The following SLC24A3 variants were observed in gnomAD, a reference collection of about 807,000 sequenced individuals.
SLC24A3 encodes the protein sodium/potassium/calcium exchanger 3.
SLC24A3 carries 28 observed loss-of-function variants against 75.8 expected under a neutral mutation model. The observed-to-expected ratio is 0.37, with a 90% CI of 0.27 to 0.51. The LOEUF (loss-of-function observed/expected upper bound fraction) is 0.51. SLC24A3 is among the 20% of genes least tolerant of loss of function. The pLI is 0.94. For synonymous variants in SLC24A3, 372 were observed against 334.1 expected, an observed-to-expected ratio of 1.11 and a Z score of -1.24; for missense variants, 663 against 847.8, an observed-to-expected ratio of 0.78 and a Z score of 2.71.
rs575783121 is a variant in SLC24A3 at position 19,310,721 on chromosome 20, C to T, written c.271+29634C>T. Among the ~76,000 whole-genome samples, 3 of 152,324 alleles carry T rather than the reference C, an allele frequency of 2.0e-5. No individual in the cohort carries two copies. In the South Asian group the frequency reaches 6.2e-4, roughly 32 times the overall value. On this transcript the variant is annotated intron_variant, in intron 2 of 16. Transcript: ENST00000328041. ...GCAAGCATATAAACAGAGCTTGATG[C>T]TGCCTTCAGCTTCCAGTTACATAAC...
intron 1 of SLC24A3, among the ~76,000 whole-genome samples, chr20:19,243,661 G>T (rs1982398302): frequency 6.6e-6 from 1 of 152,164 alleles, no homozygotes; most frequent in Non-Finnish European, 1.5e-5. Flanking sequence ...CTTTGACATT[G>T]TGGACTCAGC....
chr20:19,441,262 C>T (rs974055187), intron 2 of SLC24A3, among the ~76,000 whole-genome samples: 5 of 152,280 alleles, frequency 3.3e-5, no homozygotes, highest in East Asian at 3.9e-4. Context: ...TCTTGGACCC[C>T]GGCATCCCAC....
intron 6 of SLC24A3, among the ~76,000 whole-genome samples, chr20:19,608,189 T>C (rs2031623230): frequency 6.6e-6 from 1 of 152,266 alleles, no homozygotes; most frequent in African/African-American, 2.4e-5. Context: ...TATCTTGATA[T>C]TGGTGTGGGC....
intron 6 of SLC24A3, among the ~76,000 whole-genome samples, chr20:19,585,883 G>A (rs757118922): frequency 1.3e-5 from 2 of 152,122 alleles, no homozygotes. Context: ...AACAATTTTA[G>A]GTATGATTTT....
intron 2 of SLC24A3, among the ~76,000 whole-genome samples, chr20:19,285,883 T>G (rs537736900): frequency 5.3e-5 from 8 of 152,322 alleles, no homozygotes; most frequent in Admixed American, 3.3e-4. Flanking sequence ...TTTGTGCACT[T>G]TACAGAATTT....
chr20:19,678,715 TGCCGGGCGGAGGG>T (rs2032567488), intron 9 of SLC24A3, among the ~76,000 whole-genome samples: 9 of 120,024 alleles, frequency 7.5e-5, no homozygotes, highest in African/African-American at 2.5e-4. Context: ...ACGGGGTGGC[TGCCGGGCGGAGGG>T]GCTCCTCATT....
intron 2 of SLC24A3, among the ~76,000 whole-genome samples, chr20:19,504,413 T>A (rs1331299910): frequency 2.6e-5 from 4 of 152,218 alleles, no homozygotes; most frequent in African/African-American, 7.2e-5. Context: ...AAAATAAATA[T>A]TTAAAGTTTA....
At chr20:19,599,348 C>T (rs1020644887) in intron 6 of SLC24A3, among the ~76,000 whole-genome samples, 5 of 152,220 alleles carry the variant, frequency 3.3e-5, no homozygotes, top group Admixed American at 2.6e-4. Flanking sequence ...CCCTCCCGCG[C>T]ACCTGGCGGA....
chr20:19,707,295 G>C (rs141680242), intron 15 of SLC24A3, among the ~76,000 whole-genome samples: 2 of 152,150 alleles, frequency 1.3e-5, no homozygotes, highest in East Asian at 3.9e-4. Flanking sequence ...GAGGAGGTGA[G>C]ACCAGCAGTT....
At chr20:19,629,720 C>T (rs558164557) in intron 6 of SLC24A3, among the ~76,000 whole-genome samples, 2 of 152,254 alleles carry the variant, frequency 1.3e-5, no homozygotes, top group African/African-American at 2.4e-5. Context: ...CAGAAGAAGC[C>T]TTGCGGGCCA....
intron 9 of SLC24A3, among the ~76,000 whole-genome samples, chr20:19,679,148 A>G (rs1412026631): frequency 6.6e-6 from 1 of 152,024 alleles, no homozygotes; most frequent in African/African-American, 2.4e-5. Flanking sequence ...AGGCCAAGGC[A>G]GGCGGCTGGG....
At chr20:19,661,509 A>G (rs1171879182) in intron 7 of SLC24A3, among the ~76,000 whole-genome samples, 1 of 152,154 alleles carries the variant, frequency 6.6e-6, no homozygotes, top group African/African-American at 2.4e-5. Flanking sequence ...AGTTCCCGTG[A>G]TATTGAGTGG....
intron 3 of SLC24A3, among the ~76,000 whole-genome samples, chr20:19,574,630 G>T (rs1311994643): frequency 6.6e-6 from 1 of 152,188 alleles, no homozygotes; most frequent in Non-Finnish European, 1.5e-5. Flanking sequence ...AGGCTAGCTT[G>T]GGCATGTTCT....
At chr20:19,611,049 A>C (rs576059700) in intron 6 of SLC24A3, among the ~76,000 whole-genome samples, 1 of 152,334 alleles carries the variant, frequency 6.6e-6, no homozygotes, top group African/African-American at 2.4e-5. Context: ...CTCAGGTAGG[A>C]AGATGCTGGC....
chr20:19,651,182 A>G (rs551421090), intron 6 of SLC24A3, among the ~76,000 whole-genome samples: 5 of 151,912 alleles, frequency 3.3e-5, no homozygotes, highest in Non-Finnish European at 7.4e-5. Flanking sequence ...GCTTTTTCAG[A>G]AAGGACACAT....
intron 15 of SLC24A3, among the ~76,000 whole-genome samples, chr20:19,714,017 T>C (rs912400050): frequency 6.6e-6 from 1 of 152,172 alleles, no homozygotes. Context: ...GCTGTCTCCA[T>C]CAAAACCACT....
intron 2 of SLC24A3, among the ~76,000 whole-genome samples, chr20:19,461,529 CTTTTTTTTTT>C (rs11468628): frequency 0.034 from 3,478 of 101,588 alleles, 140 homozygotes; most frequent in African/African-American, 0.12. Context: ...TCTTTTTTTT[CTTTTTTTTTT>C]TTTTTTTTTT....
At chr20:19,441,131 C>T (rs1207133194) in intron 2 of SLC24A3, among the ~76,000 whole-genome samples, 3 of 152,172 alleles carry the variant, frequency 2.0e-5, no homozygotes, top group Non-Finnish European at 2.9e-5. Flanking sequence ...TGCTGTCTCA[C>T]CAAGCTAAGG....
chr20:19,439,492 T>C (rs1987263695), intron 2 of SLC24A3, among the ~76,000 whole-genome samples: 1 of 152,220 alleles, frequency 6.6e-6, no homozygotes, highest in South Asian at 2.1e-4. Flanking sequence ...AGAAGTATAT[T>C]TGTGAAACAC....
Sources: allele counts gnomAD v4.1 joint callset (sites outside exome capture counted in the v4.1 genomes callset), GRCh38; gene constraint gnomAD v4.1.1; transcripts MANE v1.5; gene names NCBI Gene and HGNC (gene_info 2026-07-23, HGNC 2026-07-21).